Variants in SORCS2 observed in about 807,000 individuals in gnomAD.
The protein encoded by SORCS2 is sortilin related VPS10 domain containing receptor 2.
A neutral mutation model predicts 141.6 loss-of-function variants in SORCS2; 100 were observed. The ratio of observed to expected loss-of-function variants is 0.71; its 90% CI spans 0.60 to 0.83. The LOEUF (loss-of-function observed/expected upper bound fraction) is 0.83. Ranked by LOEUF, SORCS2 falls within the 40% of genes least tolerant of loss-of-function variation. The pLI is 0.00. For synonymous variants in SORCS2, 789 were observed against 676.9 expected (o/e 1.17, Z -2.57); for missense variants, 1,646 against 1,560.2 (o/e 1.05, Z -0.93).
chr4:7,684,249 C>A (rs1237674209), intron 10 of SORCS2, among the ~76,000 whole-genome samples: 1 of 152,204 alleles, frequency 6.6e-6, no homozygotes, highest in African/African-American at 2.4e-5. Flanking sequence ...TCAACCAGTG[C>A]CTCTGAGCCT....
At chr4:7,378,747 A>C (rs1466596361) in intron 1 of SORCS2, among the ~76,000 whole-genome samples, 1 of 152,134 alleles carries the variant, frequency 6.6e-6, no homozygotes, top group Non-Finnish European at 1.5e-5. Flanking sequence ...GTCATCCCTG[A>C]GGCATTGCTC....
chr4:7,576,172 CCTT>C (rs748387267), intron 3 of SORCS2, among the ~76,000 whole-genome samples: 2 of 152,200 alleles, frequency 1.3e-5, no homozygotes, highest in African/African-American at 2.4e-5. Flanking sequence ...CTAACATTCT[CCTT>C]CTGACCAAAG....
intron 3 of SORCS2, among the ~76,000 whole-genome samples, chr4:7,622,978 C>G (rs28651956): frequency 0.094 from 14,292 of 152,126 alleles, 838 homozygotes; most frequent in African/African-American, 0.16. Context: ...CTCCCTGCCA[C>G]TGAGGAGTGG....
At chr4:7,324,458 A>G (rs569551674) in intron 1 of SORCS2, among the ~76,000 whole-genome samples, 15 of 152,324 alleles carry the variant, frequency 9.8e-5, no homozygotes, top group African/African-American at 3.4e-4. Flanking sequence ...CGGCGTCACC[A>G]TCTCCGCCCA....
chr4:7,599,383 A>C (rs926930550), intron 3 of SORCS2, among the ~76,000 whole-genome samples: 25 of 152,158 alleles, frequency 1.6e-4, no homozygotes, highest in Non-Finnish European at 2.4e-4. Flanking sequence ...CAGAAACAGC[A>C]CCGTCCCCCG....
chr4:7,283,699 G>A (rs1423432654), intron 1 of SORCS2, among the ~76,000 whole-genome samples: 9 of 152,106 alleles, frequency 5.9e-5, no homozygotes, highest in Non-Finnish European at 1.2e-4. Context: ...ACTGTGCGGT[G>A]GGCAGTTCAA....
At chr4:7,530,494 A>G (rs1180650358) in intron 2 of SORCS2, among the ~76,000 whole-genome samples, 1 of 152,074 alleles carries the variant, frequency 6.6e-6, no homozygotes, top group Non-Finnish European at 1.5e-5. Flanking sequence ...CGTGTGTTCC[A>G]CCCCTGTGCC....
In SORCS2 at chr4:7,383,690, A is replaced by G. The variant is rs189790165; in HGVS notation, c.481-12598A>G. Among the ~76,000 whole-genome samples the G allele has an allele frequency of 7.1e-4, 108 of 152,344 alleles. No homozygotes were observed. In the South Asian group the frequency reaches 0.011, roughly 16 times the overall value. ...CCATAAATAGACCTGAGCAATGCCA[A>G]CCCTTCCAGGTAGAAGCACATTTTG... On this transcript the variant is annotated intron_variant, in intron 1 of 26. Transcript: ENST00000507866.
intron 3 of SORCS2, among the ~76,000 whole-genome samples, chr4:7,586,293 C>T (rs1716532269): frequency 1.3e-5 from 2 of 152,152 alleles, no homozygotes; most frequent in African/African-American, 2.4e-5. Context: ...TTTCATTCTG[C>T]CTTTCACTGC....
intron 2 of SORCS2, among the ~76,000 whole-genome samples, chr4:7,493,592 A>C (rs1454858022): frequency 6.6e-6 from 1 of 152,052 alleles, no homozygotes; most frequent in African/African-American, 2.4e-5. Context: ...AAGTGTTTGG[A>C]CCAGATAACC....
chr4:7,416,845 T>A (rs1638413098), intron 2 of SORCS2, among the ~76,000 whole-genome samples: 1 of 151,620 alleles, frequency 6.6e-6, no homozygotes, highest in African/African-American at 2.4e-5. Context: ...CAAACATGCA[T>A]GCATGCACAC....
At chr4:7,725,792 T>C (rs111358933) in intron 20 of SORCS2, among the ~76,000 whole-genome samples, 8 of 152,252 alleles carry the variant, frequency 5.3e-5, no homozygotes, top group African/African-American at 1.9e-4. Flanking sequence ...CAAGACCCAG[T>C]GAAGGGCATC....
At chr4:7,582,028 A>G (rs1478589954) in intron 3 of SORCS2, among the ~76,000 whole-genome samples, 2 of 152,196 alleles carry the variant, frequency 1.3e-5, no homozygotes, top group Admixed American at 6.5e-5. Context: ...CATCATTTTA[A>G]TGGCTTCAAA....
chr4:7,664,666 C>T lies in SORCS2; in HGVS notation c.1071+195C>T, dbSNP rs1224798874. On this transcript the variant is annotated intron_variant, in intron 7 of 26. Transcript: ENST00000507866. This position sits in a 1 kb window ranked among gnomAD's most constrained non-coding sequence, Gnocchi z 4.7. Reference sequence around the variant, plus strand: ...CACAGAAGCCCTCGCAAGCCCAGAACTGTGGCTCAGGGACACTGAGGCTCC... The same window carrying T: ...CACAGAAGCCCTCGCAAGCCCAGAATTGTGGCTCAGGGACACTGAGGCTCC... Among the ~76,000 whole-genome samples the T allele has an allele frequency of 6.6e-6, 1 of 152,226 alleles. No homozygotes were observed. Among genetic ancestry groups the T allele is most frequent in the Non-Finnish European group, 1.5e-5 (1 of 68,036 alleles).
intron 2 of SORCS2, among the ~76,000 whole-genome samples, chr4:7,515,520 C>T (rs1560347665): frequency 6.6e-6 from 1 of 152,150 alleles, no homozygotes; most frequent in South Asian, 2.1e-4. Flanking sequence ...AGCGGGCAGC[C>T]GGATGGAGGA....
intron 1 of SORCS2, among the ~76,000 whole-genome samples, chr4:7,264,091 A>G (rs978531873): frequency 6.6e-6 from 1 of 152,154 alleles, no homozygotes; most frequent in African/African-American, 2.4e-5. Flanking sequence ...GTAGAGAGAC[A>G]GTGACCACAC....
chr4:7,723,879 C>G lies in SORCS2; in HGVS notation c.2607C>G (p.Val869=), dbSNP rs1297744665. The G allele has an allele frequency of 6.2e-7, 1 of 1,602,116 alleles. No homozygotes were observed. The highest frequency in any genetic ancestry group is 2.2e-5 in the East Asian group (1 of 44,774). ...GHDEAVLFVQ[V]NSPLQALYLE... is the part of the protein sequence containing the mutation. ...ATGAGGCGGTGCTCTTTGTCCAGGT[C>G]AACTGTAAGTTTATTGCCCCTTTGA... is the stretch of plus-strand genomic sequence containing the variant. The change falls in exon 19 of 27, where the codon GTC becomes GTG. Residue 869 remains valine, a synonymous_variant. Coordinates refer to ENST00000507866, the MANE Select transcript of SORCS2 (RefSeq NM_020777.3).
intron 2 of SORCS2, among the ~76,000 whole-genome samples, chr4:7,507,652 A>C (rs1235187594): frequency 6.6e-6 from 1 of 152,246 alleles, no homozygotes; most frequent in Non-Finnish European, 1.5e-5. Flanking sequence ...ACCGTGACAC[A>C]CACACTGACG....
chr4:7,204,780 C>G (rs776095378), intron 1 of SORCS2, among the ~76,000 whole-genome samples: 6 of 152,202 alleles, frequency 3.9e-5, no homozygotes, highest in Non-Finnish European at 5.9e-5. Context: ...GAGGGGGTAT[C>G]TCTCTGAGCC....
Sources: gnomAD v4.1 joint callset for allele counts (sites outside exome capture counted in the v4.1 genomes callset) on GRCh38, gnomAD v4.1.1 for gene constraint, Gnocchi (gnomAD v3.1) non-coding constraint, MANE v1.5 for transcripts, NCBI Gene and HGNC (gene_info 2026-07-23, HGNC 2026-07-21) for gene names.